Variants in STAC observed in about 807,000 individuals in gnomAD.
STAC encodes the protein SH3 and cysteine-rich domain-containing protein.
In STAC, 43 loss-of-function variants were observed where a neutral mutation model predicts 48.8. That is an observed-to-expected ratio of 0.88 (90% CI 0.69 to 1.14). The LOEUF is 1.14. STAC is among the 50% of genes most tolerant of loss of function. The pLI is 0.00. For synonymous variants in STAC, 193 were observed against 179.5 expected (o/e 1.07, Z -0.60); for missense variants, 497 against 504.0 (o/e 0.99, Z 0.13).
chr3:36,413,061 C>G (rs1309375153), intron 1 of STAC, among the ~76,000 whole-genome samples: 1 of 152,112 alleles, frequency 6.6e-6, no homozygotes. Context: ...AATTTCTGTT[C>G]TTTTACATTT....
intron 8 of STAC, among the ~76,000 whole-genome samples, chr3:36,514,881 C>CA (rs933820224): frequency 2.9e-4 from 44 of 151,678 alleles, no homozygotes; most frequent in African/African-American, 9.4e-4. Flanking sequence ...TTAAAAATAA[C>CA]AAAAAAATTA....
At chr3:36,405,642 C>CATG (rs1700074503) in intron 1 of STAC, among the ~76,000 whole-genome samples, 1 of 152,218 alleles carries the variant, frequency 6.6e-6, no homozygotes, top group East Asian at 1.9e-4. Context: ...CCCAGCCACA[C>CATG]ATGACAGTTC....
In STAC at chr3:36,493,646, T is replaced by C. The variant is rs571371255; in HGVS notation, c.766+417T>C. 2.6e-5 allele frequency among the ~76,000 whole-genome samples: 4 copies of C among 151,850 alleles called. No individual in the cohort carries two copies. In the South Asian group the frequency reaches 8.4e-4, roughly 32 times the overall value. The stretch of plus-strand genomic sequence containing the variant: ...TACACCTTAGGTACCTGAAACCAAG[T>C]GGTGGTGGGGCCCAGGAGAGAAGTG... On this transcript the variant is annotated intron_variant, in intron 6 of 10. Transcript: ENST00000273183.
intron 1 of STAC, among the ~76,000 whole-genome samples, chr3:36,416,765 A>C (rs780167151): frequency 1.3e-5 from 2 of 152,154 alleles, no homozygotes; most frequent in Non-Finnish European, 2.9e-5. Flanking sequence ...TGAGGGCTAT[A>C]TTCCCCTGGG....
At chr3:36,400,075 C>T (rs966212632) in intron 1 of STAC, among the ~76,000 whole-genome samples, 25 of 152,210 alleles carry the variant, frequency 1.6e-4, no homozygotes, top group African/African-American at 2.4e-4. Flanking sequence ...GGAAGCTTTC[C>T]TGCTCAAGAC....
At chr3:36,438,276 G>T (rs1308477533) in intron 1 of STAC, among the ~76,000 whole-genome samples, 1 of 152,176 alleles carries the variant, frequency 6.6e-6, no homozygotes, top group Non-Finnish European at 1.5e-5. Flanking sequence ...CCACAAGGTT[G>T]CTAGGATGAT....
intron 1 of STAC, among the ~76,000 whole-genome samples, chr3:36,430,196 T>G (rs1018997227): frequency 6.6e-6 from 1 of 152,228 alleles, no homozygotes; most frequent in Non-Finnish European, 1.5e-5. Context: ...AGCCTGTACC[T>G]GCATGTTGGA....
At chr3:36,491,661 G>C (rs1697969905) in intron 5 of STAC, among the ~76,000 whole-genome samples, 2 of 152,042 alleles carry the variant, frequency 1.3e-5, no homozygotes, top group South Asian at 4.2e-4. Flanking sequence ...AGCTGGCTAG[G>C]AGAGCTAAGA....
At chr3:36,408,605 A>G (rs1193863568) in intron 1 of STAC, among the ~76,000 whole-genome samples, 1 of 152,136 alleles carries the variant, frequency 6.6e-6, no homozygotes, top group Non-Finnish European at 1.5e-5. Flanking sequence ...AGGCTCCTGG[A>G]AAAGGTTTTC....
At chr3:36,467,459 A>G (rs1697210451) in intron 2 of STAC, among the ~76,000 whole-genome samples, 1 of 152,112 alleles carries the variant, frequency 6.6e-6, no homozygotes, top group African/African-American at 2.4e-5. Flanking sequence ...TTCAGCTATG[A>G]ATCTGTGCGG....
chr3:36,480,517 A>AC (rs934609933), intron 2 of STAC, among the ~76,000 whole-genome samples: 2 of 151,852 alleles, frequency 1.3e-5, no homozygotes, highest in South Asian at 2.1e-4. Context: ...CCAGGTTCTT[A>AC]CCCCCCCTTA....
intron 2 of STAC, among the ~76,000 whole-genome samples, chr3:36,457,651 G>A (rs1037941601): frequency 6.6e-6 from 1 of 151,986 alleles, no homozygotes; most frequent in Non-Finnish European, 1.5e-5. Context: ...TCAGAAAAGA[G>A]GAGAAGAAGA....
At chr3:36,525,702 A>G (rs965176410) in intron 8 of STAC, among the ~76,000 whole-genome samples, 2 of 152,200 alleles carry the variant, frequency 1.3e-5, no homozygotes, top group South Asian at 4.1e-4. Context: ...ATTTTTCTAC[A>G]TTGACTTTCA....
intron 8 of STAC, among the ~76,000 whole-genome samples, chr3:36,522,832 G>A (rs2125727051): frequency 6.6e-6 from 1 of 152,298 alleles, no homozygotes; most frequent in Admixed American, 6.5e-5. Context: ...GGATTGGAGA[G>A]AGGCTGGGCT....
chr3:36,479,599 C>T (rs1028310418), intron 2 of STAC, among the ~76,000 whole-genome samples: 7 of 152,176 alleles, frequency 4.6e-5, no homozygotes, highest in African/African-American at 1.7e-4. Context: ...CCCATGCAAT[C>T]CTTTTGCATA....
intron 5 of STAC, among the ~76,000 whole-genome samples, chr3:36,486,583 G>A (rs1023086412): frequency 6.6e-6 from 1 of 152,144 alleles, no homozygotes. Context: ...TCAAACAATG[G>A]TCAGGAACTT....
At chr3:36,441,473 T>C (rs913595083) in intron 1 of STAC, among the ~76,000 whole-genome samples, 2 of 152,226 alleles carry the variant, frequency 1.3e-5, no homozygotes, top group African/African-American at 2.4e-5. Context: ...ATGTACCATA[T>C]TTCCTTTATC....
chr3:36,544,570 C>T (rs1699402175), intron 10 of STAC, among the ~76,000 whole-genome samples: 1 of 152,154 alleles, frequency 6.6e-6, no homozygotes, highest in Non-Finnish European at 1.5e-5. Flanking sequence ...AGGGCAAAAA[C>T]TATGTTTTGT....
chr3:36,408,748 A>G (rs997835224), intron 1 of STAC, among the ~76,000 whole-genome samples: 6 of 152,194 alleles, frequency 3.9e-5, no homozygotes, highest in Non-Finnish European at 5.9e-5. Flanking sequence ...AAAGTAAAAG[A>G]ATGGAGAGAA....
Sources: gnomAD v4.1 joint callset for allele counts (sites outside exome capture counted in the v4.1 genomes callset) on GRCh38, gnomAD v4.1.1 for gene constraint, MANE v1.5 for transcripts, NCBI Gene and HGNC (gene_info 2026-07-23, HGNC 2026-07-21) for gene names.